OTOA: variants seen among roughly 807,000 people sequenced by gnomAD.
The protein encoded by OTOA is otoancorin, also known as cancer/testis antigen 108.
OTOA carries 70 observed loss-of-function variants against 110.8 expected under a neutral mutation model. That is an observed-to-expected ratio of 0.63 (90% CI 0.52 to 0.77). The LOEUF (loss-of-function observed/expected upper bound fraction) is 0.77, where lower values mean the gene tolerates loss of function less well. Ranked by LOEUF, OTOA falls within the 30% of genes least tolerant of loss-of-function variation. The pLI is 0.00. For missense variants in OTOA, 917 were observed against 1,075.8 expected (o/e 0.85, Z 2.06); for synonymous variants, 373 against 431.5 (o/e 0.86, Z 1.68).
rs1406280502 is a variant in OTOA at position 21,714,263 on chromosome 16, CTT to C, written c.1321-720_1321-719del. Among the ~76,000 whole-genome samples the C allele has an allele frequency of 4.0e-3, 563 of 141,282 alleles. 6 individuals are homozygous for C. The highest frequency in any genetic ancestry group is 0.014 in the African/African-American group (544 of 38,086). 92.7% of individuals were successfully genotyped at this position (141,282 alleles called of 152,430 possible). A position where few individuals can be genotyped will look rare whatever the true frequency, so the allele number is the denominator to read the frequency against. On this transcript the variant is annotated intron_variant, in intron 13 of 28. Coordinates refer to ENST00000646100, the MANE Select transcript of OTOA (RefSeq NM_144672.4). ...TCCTTTCTTTCTTTTTTCTTTCTTT[CTT>C]TCTTTCTTTCCTCCTTCCTTTCTTT... is the stretch of plus-strand genomic sequence containing the variant.
intron 24 of OTOA, among the ~76,000 whole-genome samples, chr16:21,749,780 C>T (rs1899767198): frequency 7.7e-6 from 1 of 130,144 alleles, no homozygotes; most frequent in Non-Finnish European, 1.6e-5. Context: ...ACCTCCCAGG[C>T]TCAAGCAATC....
intron 5 of OTOA, among the ~76,000 whole-genome samples, chr16:21,680,798 A>G (rs1186699788): frequency 6.6e-6 from 1 of 150,956 alleles, no homozygotes; most frequent in Non-Finnish European, 1.5e-5. Flanking sequence ...GGTTGCAGTG[A>G]GCTGAGATTG....
At chr16:21,672,815 T>C (rs1167761070) in intron 1 of OTOA, among the ~76,000 whole-genome samples, 2 of 152,112 alleles carry the variant, frequency 1.3e-5, no homozygotes, top group African/African-American at 2.4e-5. Flanking sequence ...TTAACTATTG[T>C]CATCCTACAG....
chr16:21,714,278 CCTT>C (rs1299593473), intron 13 of OTOA, among the ~76,000 whole-genome samples: 3 of 104,524 alleles, frequency 2.9e-5, no homozygotes, highest in African/African-American at 7.2e-5. Context: ...TTTCTTTCCT[CCTT>C]CCTTTCTTTC....
intron 10 of OTOA, among the ~76,000 whole-genome samples, chr16:21,699,861 GTGAGC>G (rs1162946100): frequency 6.6e-6 from 1 of 152,182 alleles, no homozygotes; most frequent in Non-Finnish European, 1.5e-5. Context: ...TGAAGTTGCA[GTGAGC>G]TGAGATTGTG....
At chr16:21,685,137 A>AC in intron 6 of OTOA, 93 bp from the exon 7 acceptor site, 2 of 1,514,510 alleles carry the variant, frequency 1.3e-6, no homozygotes, top group Non-Finnish European at 1.8e-6. Flanking sequence ...TCTGCAGGGA[A>AC]TGAGGGGGCC....
intron 21 of OTOA, among the ~76,000 whole-genome samples, chr16:21,735,621 T>G (rs1202499754): frequency 6.6e-6 from 1 of 152,076 alleles, no homozygotes; most frequent in Non-Finnish European, 1.5e-5. Flanking sequence ...GAGACAGGGT[T>G]GTACTCCCAT....
At chr16:21,759,886 C>T (rs886499961) in intron 28 of OTOA, among the ~76,000 whole-genome samples, 17 of 150,368 alleles carry the variant, frequency 1.1e-4, no homozygotes, top group Middle Eastern at 3.4e-3. Flanking sequence ...GGTGACAGGG[C>T]GAGACTCTGT....
At chr16:21,717,340 C>T (rs1898588795) in intron 15 of OTOA, among the ~76,000 whole-genome samples, 2 of 152,048 alleles carry the variant, frequency 1.3e-5, no homozygotes, top group East Asian at 1.9e-4. Context: ...ACTCAGGAGG[C>T]TGAGACAGGA....
chr16:21,736,720 A>G (rs1899313333), intron 22 of OTOA, among the ~76,000 whole-genome samples: 1 of 151,998 alleles, frequency 6.6e-6, no homozygotes, highest in Non-Finnish European at 1.5e-5. Context: ...AGTCTCAGCT[A>G]CTCAGGAGGC....
At position 21,695,866 on chromosome 16, in the gene OTOA, GATATAT is replaced by G. The variant is rs71151648; in HGVS notation, c.740-1888_740-1883del. Among the ~76,000 whole-genome samples the G allele has an allele frequency of 9.2e-4, 67 of 72,718 alleles. 1 individual carries two copies. Among genetic ancestry groups the G allele is most frequent in the South Asian group, 5.5e-3 (9 of 1,638 alleles). The allele number at this position is 72,718 out of a possible 152,430, so 47.7% of individuals were successfully genotyped here. On this transcript the variant is annotated intron_variant, in intron 9 of 28. Coordinates refer to ENST00000646100, the MANE Select transcript of OTOA (RefSeq NM_144672.4). ...ACTTGAAGTCTGATCCTAGACTTGAGATATATATATATATATATATATATATTTTTT... is the reference window on the plus strand; with the variant it reads ...ACTTGAAGTCTGATCCTAGACTTGAGATATATATATATATATATATTTTTT...
chr16:21,702,368 C>T (rs188634570), intron 11 of OTOA, among the ~76,000 whole-genome samples: 23 of 152,292 alleles, frequency 1.5e-4, no homozygotes, highest in African/African-American at 5.1e-4. Context: ...TCATAGGAAA[C>T]AATTACATCT....
At chr16:21,684,786 T>C (rs1188299159) in intron 6 of OTOA, among the ~76,000 whole-genome samples, 1 of 149,942 alleles carries the variant, frequency 6.7e-6, no homozygotes, top group Non-Finnish European at 1.5e-5. Flanking sequence ...GGAGTCTCGC[T>C]CTGTCACCAG....
In OTOA at chr16:21,691,699, C is replaced by G. The variant is rs1897833265; in HGVS notation, c.739+12C>G. Reference sequence around the variant, plus strand: ...CTCCAATGCCACTGGTGAGCCTGTACTTGGAGGTGGGGTCACTTTTTGGGG... The same window carrying G: ...CTCCAATGCCACTGGTGAGCCTGTAGTTGGAGGTGGGGTCACTTTTTGGGG... On this transcript the variant is annotated intron_variant, in intron 9 of 28. Coordinates refer to ENST00000646100, the MANE Select transcript of OTOA (RefSeq NM_144672.4). 6.2e-7 allele frequency: 1 copy of G among 1,607,018 alleles called. No individual in the cohort carries two copies. The highest frequency in any genetic ancestry group is 8.5e-7 in the Non-Finnish European group (1 of 1,173,930).
At chr16:21,679,799 T>C (rs1454564103) in intron 5 of OTOA, among the ~76,000 whole-genome samples, 3 of 152,120 alleles carry the variant, frequency 2.0e-5, no homozygotes, top group Non-Finnish European at 2.9e-5. Flanking sequence ...TGCCACACAA[T>C]GTAGTTCCCA....
intron 13 of OTOA, among the ~76,000 whole-genome samples, chr16:21,712,387 A>G (rs1898384241): frequency 6.6e-6 from 1 of 151,722 alleles, no homozygotes; most frequent in Non-Finnish European, 1.5e-5. Flanking sequence ...AGGAGAGACT[A>G]CTCCTTAAAG....
intron 8 of OTOA, among the ~76,000 whole-genome samples, chr16:21,689,247 C>T (rs1455277091): frequency 6.6e-6 from 1 of 152,052 alleles, no homozygotes; most frequent in Non-Finnish European, 1.5e-5. Context: ...GTGGGAGATT[C>T]CTTTTATCTT....
chr16:21,689,571 G>A (rs1283046196), intron 8 of OTOA, among the ~76,000 whole-genome samples: 2 of 152,156 alleles, frequency 1.3e-5, no homozygotes, highest in Non-Finnish European at 2.9e-5. Context: ...ATAGTTTTAG[G>A]TGTAGGGCTG....
intron 1 of OTOA, among the ~76,000 whole-genome samples, chr16:21,665,639 C>T (rs1208972090): frequency 6.6e-6 from 1 of 152,074 alleles, no homozygotes; most frequent in Middle Eastern, 3.2e-3. Flanking sequence ...ATAGAGGATG[C>T]TCAGTGAGAC....
Sources: gnomAD v4.1 joint callset for allele counts (sites outside exome capture counted in the v4.1 genomes callset) on GRCh38, gnomAD v4.1.1 for gene constraint, MANE v1.5 for transcripts, NCBI Gene and HGNC (gene_info 2026-07-23, HGNC 2026-07-21) for gene names.